Variants in RBMS1 observed in about 807,000 individuals in gnomAD.
The protein encoded by RBMS1 is RNA binding motif single stranded interacting protein 1, also known as RNA-binding motif, single-stranded-interacting protein 1.
In RBMS1, 17 loss-of-function variants were observed where a neutral mutation model predicts 62.3. The observed-to-expected ratio is 0.27, with a 90% CI of 0.19 to 0.41. The LOEUF is 0.41. Among genes scored for constraint, RBMS1 ranks in the 10% least tolerant of loss-of-function variants. The pLI, the probability that RBMS1 is intolerant of heterozygous loss-of-function variation, is 1.00. For synonymous variants in RBMS1, 172 were observed against 170.0 expected (o/e 1.01, Z -0.09); for missense variants, 334 against 504.5 (o/e 0.66, Z 3.24).
At chr2:160,350,129 G>A (rs1692416001) in intron 2 of RBMS1, among the ~76,000 whole-genome samples, 2 of 152,000 alleles carry the variant, frequency 1.3e-5, no homozygotes, top group African/African-American at 4.8e-5. Flanking sequence ...TATGGGGAGA[G>A]GAGGCAGAAA....
chr2:160,411,864 G>A (rs1217310937), intron 1 of RBMS1, among the ~76,000 whole-genome samples: 2 of 152,228 alleles, frequency 1.3e-5, no homozygotes, highest in Non-Finnish European at 2.9e-5. Flanking sequence ...ATTTAGGCAA[G>A]GGGAGGGCAT....
At chr2:160,467,540 A>G (rs1363793478) in intron 1 of RBMS1, among the ~76,000 whole-genome samples, 1 of 152,200 alleles carries the variant, frequency 6.6e-6, no homozygotes, top group Non-Finnish European at 1.5e-5. Context: ...TTTTCAATGT[A>G]TGAGAGCACC....
At chr2:160,408,259 C>T (rs1695877390) in intron 1 of RBMS1, among the ~76,000 whole-genome samples, 1 of 151,920 alleles carries the variant, frequency 6.6e-6, no homozygotes, top group Non-Finnish European at 1.5e-5. Flanking sequence ...CTTCGGGGAC[C>T]ACTCTGGCAC....
At chr2:160,447,219 C>T (rs1683692516) in intron 1 of RBMS1, among the ~76,000 whole-genome samples, 1 of 152,136 alleles carries the variant, frequency 6.6e-6, no homozygotes, top group African/African-American at 2.4e-5. Context: ...ACCTTCTACA[C>T]CTGACCTCCA....
chr2:160,311,240 A>AGATATATATC (rs1689882503), intron 4 of RBMS1, among the ~76,000 whole-genome samples: 1 of 91,482 alleles, frequency 1.1e-5, no homozygotes, highest in African/African-American at 3.5e-5. Flanking sequence ...ATCTATATAT[A>AGATATATATC]TATATATATA....
intron 2 of RBMS1, among the ~76,000 whole-genome samples, chr2:160,342,143 C>T (rs1039446083): frequency 6.6e-6 from 1 of 152,124 alleles, no homozygotes; most frequent in African/African-American, 2.4e-5. Context: ...CAAAAATCAT[C>T]TTCTGAGAAG....
Position 160,305,906 on chromosome 2 carries a change from G to T in RBMS1, c.403-2419C>A, listed in dbSNP as rs184449893. On this transcript the variant is annotated intron_variant, in intron 4 of 13. Coordinates refer to ENST00000348849, the MANE Select transcript of RBMS1 (RefSeq NM_016836.4). ...TTGCAATCCCAGTATAGGCCAAGGT[G>T]GGAGGATCATTTGGGACCAAGAGTT... 6.7e-4 allele frequency among the ~76,000 whole-genome samples: 102 copies of T among 152,232 alleles called. 1 individual carries two copies. Among genetic ancestry groups the T allele is most frequent in the Admixed American group, 6.7e-3 (102 of 15,288 alleles).
chr2:160,481,268 T>C (rs572741959), intron 1 of RBMS1, among the ~76,000 whole-genome samples: 2 of 151,618 alleles, frequency 1.3e-5, no homozygotes, highest in South Asian at 4.2e-4. Flanking sequence ...TAACAAATCT[T>C]GATGCTATCC....
At chr2:160,311,234 A>ATATATCTATATATCTATATATATC (rs1553505434) in intron 4 of RBMS1, among the ~76,000 whole-genome samples, 1 of 107,448 alleles carries the variant, frequency 9.3e-6, no homozygotes, top group Admixed American at 9.4e-5. Context: ...CTATCTATCT[A>ATATATCTATATATCTATATATATC]TATATATATA....
In RBMS1 at chr2:160,457,591, A is replaced by C. The variant is rs185671937; in HGVS notation, c.75+35698T>G. On this transcript the variant is annotated intron_variant, in intron 1 of 13. Transcript: ENST00000348849. ...ACTAATGGCTTCAAGAAATAGCTAC[A>C]ATTTGCTTTATGTATTTGCTGTATG... Among the ~76,000 whole-genome samples, 11 of 152,344 alleles carry C rather than the reference A, an allele frequency of 7.2e-5. No homozygotes were observed. In the East Asian group the frequency reaches 2.1e-3, roughly 29 times the overall value.
intron 1 of RBMS1, among the ~76,000 whole-genome samples, chr2:160,481,007 G>A (rs1685345372): frequency 6.6e-6 from 1 of 151,260 alleles, no homozygotes; most frequent in South Asian, 2.1e-4. Context: ...CCTGAACCTG[G>A]GAGGCAGAGG....
In RBMS1 at chr2:160,493,686, T is replaced by C. The variant is rs1200257512; in HGVS notation, c.-323A>G. The C allele has an allele frequency of 2.5e-6, 1 of 398,818 alleles. No homozygotes were observed. Among genetic ancestry groups the C allele is most frequent in the Non-Finnish European group, 4.6e-6 (1 of 216,392 alleles). 24.7% of individuals were successfully genotyped at this position (398,818 alleles called of 1,614,324 possible). A position where few individuals can be genotyped will look rare whatever the true frequency, so the allele number is the denominator to read the frequency against. On this transcript the variant is annotated 5_prime_UTR_variant, in exon 1 of 14. Coordinates refer to ENST00000348849, the MANE Select transcript of RBMS1 (RefSeq NM_016836.4). Reference sequence around the variant, plus strand: ...TCCCGGAGCCCGACTGCTCCGGGGCTGCCAAGGGCTGGCGCGCTGGCCGCG... The same window carrying C: ...TCCCGGAGCCCGACTGCTCCGGGGCCGCCAAGGGCTGGCGCGCTGGCCGCG...
At chr2:160,350,271 T>A (rs1193002360) in intron 2 of RBMS1, among the ~76,000 whole-genome samples, 1 of 152,126 alleles carries the variant, frequency 6.6e-6, no homozygotes, top group Non-Finnish European at 1.5e-5. Flanking sequence ...GACTGCCTAA[T>A]CTGCTCCCAT....
intron 1 of RBMS1, among the ~76,000 whole-genome samples, chr2:160,417,645 C>T (rs1301309634): frequency 1.3e-5 from 2 of 152,186 alleles, no homozygotes; most frequent in East Asian, 1.9e-4. Flanking sequence ...TTAAAAGACA[C>T]CATAACTTAC....
chr2:160,467,095 G>A (rs553691413), intron 1 of RBMS1, among the ~76,000 whole-genome samples: 1 of 152,152 alleles, frequency 6.6e-6, no homozygotes, highest in South Asian at 2.1e-4. Flanking sequence ...ACTATGGAAG[G>A]AGAGAAATGC....
At chr2:160,304,721 A>G (rs1689406108) in intron 4 of RBMS1, among the ~76,000 whole-genome samples, 3 of 152,250 alleles carry the variant, frequency 2.0e-5, no homozygotes, top group Non-Finnish European at 4.4e-5. Flanking sequence ...TAAATGTATA[A>G]AGAAAATACT....
At chr2:160,367,037 G>T (rs1338984239) in intron 2 of RBMS1, 179 bp downstream of exon 2, 2 of 498,354 alleles carry the variant, frequency 4.0e-6, no homozygotes, top group Non-Finnish European at 6.7e-6. Flanking sequence ...GTCTGATGAT[G>T]TTAATATTGA....
At chr2:160,396,252 T>C (rs974608038) in intron 1 of RBMS1, among the ~76,000 whole-genome samples, 1 of 152,212 alleles carries the variant, frequency 6.6e-6, no homozygotes, top group Non-Finnish European at 1.5e-5. Flanking sequence ...TAACACTTTA[T>C]TTTGGTTTGT....
At chr2:160,317,835 A>T (rs573488109) in intron 3 of RBMS1, among the ~76,000 whole-genome samples, 30 of 152,286 alleles carry the variant, frequency 2.0e-4, no homozygotes, top group African/African-American at 5.3e-4. Flanking sequence ...AAGCAGCTCT[A>T]ATCTCCTCAG....
Sources: allele counts gnomAD v4.1 joint callset (sites outside exome capture counted in the v4.1 genomes callset), GRCh38; gene constraint gnomAD v4.1.1; transcripts MANE v1.5; gene names NCBI Gene and HGNC (gene_info 2026-07-23, HGNC 2026-07-21).